The following NTN4 variants were observed in gnomAD, a reference collection of about 807,000 sequenced individuals.
NTN4 encodes netrin-4.
In NTN4, 32 loss-of-function variants were observed where a neutral mutation model predicts 73.6. The observed-to-expected ratio is 0.44, with a 90% CI of 0.33 to 0.58. The LOEUF (loss-of-function observed/expected upper bound fraction) is 0.58. Ranked by LOEUF, NTN4 falls within the 20% of genes least tolerant of loss-of-function variation. The probability of loss-of-function intolerance (pLI) is 0.04; values close to 1 mark genes in which losing one functional copy is unlikely to be tolerated. For synonymous variants in NTN4, 258 were observed against 287.5 expected (o/e 0.90, Z 1.04); for missense variants, 654 against 798.3 (o/e 0.82, Z 2.18).
intron 3 of NTN4, among the ~76,000 whole-genome samples, chr12:95,732,386 C>G (rs1173616362): frequency 7.2e-6 from 1 of 139,322 alleles, no homozygotes; most frequent in Non-Finnish European, 1.5e-5. Context: ...TTCTCTCTCT[C>G]TTTCTTCCTC....
Position 95,683,642 on chromosome 12 carries a change from T to C in NTN4, c.1250A>G (p.Asn417Ser). 2 of 1,614,074 alleles carry C rather than the reference T, an allele frequency of 1.2e-6. No individual in the cohort carries two copies. The highest frequency in any genetic ancestry group is 2.2e-5 in the South Asian group (2 of 91,078). Residue 417 changes from asparagine to serine, a missense_variant, in exon 6 of 10, where the codon AAT (asparagine) becomes AGT (serine). Coordinates refer to ENST00000343702, the MANE Select transcript of NTN4 (RefSeq NM_021229.4). Reference protein sequence around the residue: ...ANSVTFCDPSNGDCPCKPGVA... With the variant: ...ANSVTFCDPSSGDCPCKPGVA... ...CCCAGGCTTGCAAGGGCAGTCACCA[T>C]TGCTGGGGTCGCAGAAGGTCACTGA...
intron 5 of NTN4, among the ~76,000 whole-genome samples, chr12:95,705,001 G>T (rs1441091866): frequency 6.6e-6 from 1 of 152,178 alleles, no homozygotes; most frequent in Non-Finnish European, 1.5e-5. Context: ...CCAAGTATTT[G>T]TTAACTAGGA....
chr12:95,696,999 C>A (rs2078447165), intron 5 of NTN4, among the ~76,000 whole-genome samples: 1 of 151,622 alleles, frequency 6.6e-6, no homozygotes, highest in Admixed American at 6.6e-5. Flanking sequence ...GCAAGAGCCC[C>A]TCTCTACAAA....
intron 3 of NTN4, among the ~76,000 whole-genome samples, chr12:95,719,890 T>C (rs2078634159): frequency 6.6e-6 from 1 of 152,128 alleles, no homozygotes; most frequent in Non-Finnish European, 1.5e-5. Context: ...ATATAAGTAG[T>C]AAAAATGCAA....
chr12:95,665,945 C>T lies in NTN4; in HGVS notation c.1615G>A (p.Gly539Ser), dbSNP rs1486430965. 12 of 1,612,626 alleles carry T rather than the reference C, an allele frequency of 7.4e-6. 1 individual carries two copies. In the South Asian group the frequency reaches 1.2e-4, roughly 16 times the overall value. Residue 539 changes from glycine to serine, a missense_variant, in exon 9 of 10, where the codon GGT becomes AGT. Physicochemically the swap from Gly to Ser is moderately conservative, Grantham distance 56. Transcript: ENST00000343702. ...KIKILSAHDK[G>S]THVEVNVKIK... ...TTCACATTGACCTCAACATGAGTAC[C>T]TTTATCATGAGCTGATAAAATCTTT...
At chr12:95,673,358 C>A in intron 7 of NTN4, 1 of 245,356 alleles carries the variant, frequency 4.1e-6, no homozygotes, top group South Asian at 5.4e-5. Flanking sequence ...TGGGTTTTTG[C>A]GACCGCTTTG....
intron 2 of NTN4, among the ~76,000 whole-genome samples, chr12:95,777,163 A>G (rs1565917383): frequency 6.6e-6 from 1 of 152,362 alleles, no homozygotes; most frequent in African/African-American, 2.4e-5. Context: ...TGAAGGAAGC[A>G]CTAAACATGG....
chr12:95,759,572 T>C (rs954693443), intron 2 of NTN4, among the ~76,000 whole-genome samples: 2 of 150,612 alleles, frequency 1.3e-5, no homozygotes, highest in Admixed American at 1.3e-4. Flanking sequence ...GTGATTCTCC[T>C]GCCTCAGCCT....
At chr12:95,671,664 C>A (rs1006241175) in intron 7 of NTN4, among the ~76,000 whole-genome samples, 1 of 152,094 alleles carries the variant, frequency 6.6e-6, no homozygotes, top group Non-Finnish European at 1.5e-5. Flanking sequence ...TCCATGAAAC[C>A]GCTCCCTGGT....
In NTN4 at chr12:95,665,517, A is replaced by G. The variant is rs2078172493; in HGVS notation, c.1750+293T>C. On this transcript the variant is annotated intron_variant, in intron 9 of 9. Transcript: ENST00000343702. ...AGAGTAAGTGGCAGATAAATTCATG[A>G]AAGTGCTTTCTATGCAACTGGCACC... Among the ~76,000 whole-genome samples the G allele has an allele frequency of 3.3e-5, 5 of 152,250 alleles. 1 individual carries two copies. In the South Asian group the frequency reaches 1.0e-3, roughly 31 times the overall value.
At chr12:95,764,167 C>T (rs147269682) in intron 2 of NTN4, among the ~76,000 whole-genome samples, 1 of 152,280 alleles carries the variant, frequency 6.6e-6, no homozygotes, top group East Asian at 1.9e-4. Flanking sequence ...TGTGGAGAGC[C>T]ACAGCTGTAA....
intron 2 of NTN4, among the ~76,000 whole-genome samples, chr12:95,755,276 G>A (rs931915231): frequency 1.3e-5 from 2 of 152,208 alleles, no homozygotes; most frequent in African/African-American, 4.8e-5. Flanking sequence ...TCTGTCAGAT[G>A]AGGACATGTA....
At chr12:95,711,415 C>G (rs1389919151) in intron 4 of NTN4, among the ~76,000 whole-genome samples, 1 of 152,152 alleles carries the variant, frequency 6.6e-6, no homozygotes, top group Non-Finnish European at 1.5e-5. Flanking sequence ...AAGGGTCATC[C>G]CTGTGGGTCT....
At chr12:95,767,635 C>T (rs1302568845) in intron 2 of NTN4, among the ~76,000 whole-genome samples, 1 of 152,188 alleles carries the variant, frequency 6.6e-6, no homozygotes, top group Non-Finnish European at 1.5e-5. Context: ...ACTCCCCATG[C>T]AACGAACTCA....
At position 95,790,075 on chromosome 12, in the gene NTN4, A is replaced by C. The variant is rs961164262; in HGVS notation, c.55+180T>G. The stretch of plus-strand genomic sequence containing the variant: ...CATGTGTATCCCAGTTGTAAAAATA[A>C]ATCAATAGTATTTGAAACTGCGGAG... On this transcript the variant is annotated intron_variant, in intron 1 of 9. Transcript: ENST00000343702. The surrounding 1 kb of genome is among the most constrained non-coding windows in gnomAD (Gnocchi z 6.5). The C allele has an allele frequency of 7.6e-5, 38 of 501,588 alleles. No individual in the cohort carries two copies. Among genetic ancestry groups the C allele is most frequent in the Non-Finnish European group, 1.1e-4 (32 of 281,214 alleles). The allele number at this position is 501,588 out of a possible 1,614,324, so 31.1% of individuals were successfully genotyped here.
intron 7 of NTN4, among the ~76,000 whole-genome samples, chr12:95,676,305 T>C (rs2078272925): frequency 6.6e-6 from 1 of 151,790 alleles, no homozygotes; most frequent in African/African-American, 2.4e-5. Context: ...CGGGGTTTTG[T>C]CATGTTGGCC....
Position 95,790,318 on chromosome 12 carries a change from G to T in NTN4, c.-9C>A, listed in dbSNP as rs765729410. On this transcript the variant is annotated 5_prime_UTR_variant, in exon 1 of 10. Transcript: ENST00000343702. The surrounding 1 kb of genome is among the most constrained non-coding windows in gnomAD (Gnocchi z 6.5). The stretch of plus-strand genomic sequence containing the variant: ...CGCGCGCAGCTCCCCATGGCCGGGA[G>T]GAGCCGGGAGCAGCCGGGCCGGGCG... 1.6e-5 allele frequency: 24 copies of T among 1,526,858 alleles called. No homozygotes were observed. The highest frequency in any genetic ancestry group is 2.1e-5 in the Non-Finnish European group (24 of 1,137,914). 94.6% of individuals were successfully genotyped at this position (1,526,858 alleles called of 1,614,324 possible). A position where few individuals can be genotyped will look rare whatever the true frequency, so the allele number is the denominator to read the frequency against.
At chr12:95,721,070 T>G (rs1362474239) in intron 3 of NTN4, among the ~76,000 whole-genome samples, 1 of 152,208 alleles carries the variant, frequency 6.6e-6, no homozygotes, top group African/African-American at 2.4e-5. Context: ...GCAGTCTCAC[T>G]CTAGCATCCT....
chr12:95,749,135 C>T (rs1048331748), intron 2 of NTN4, among the ~76,000 whole-genome samples: 9 of 152,064 alleles, frequency 5.9e-5, no homozygotes, highest in African/African-American at 2.2e-4. Flanking sequence ...TTTTCCATTA[C>T]CTTCCCAAAT....
Sources: allele counts gnomAD v4.1 joint callset (sites outside exome capture counted in the v4.1 genomes callset), GRCh38; gene constraint gnomAD v4.1.1; non-coding constraint Gnocchi (gnomAD v3.1); transcripts MANE v1.5; gene names NCBI Gene and HGNC (gene_info 2026-07-23, HGNC 2026-07-21).